Variants in SMC3 observed in about 807,000 individuals in gnomAD.
The protein encoded by SMC3 is structural maintenance of chromosomes protein 3.
A neutral mutation model predicts 171.8 loss-of-function variants in SMC3; 20 were observed. The observed-to-expected ratio is 0.12, with a 90% CI of 0.08 to 0.17. The LOEUF (loss-of-function observed/expected upper bound fraction) is 0.17. SMC3 is among the 10% of genes least tolerant of loss of function. SMC3 has a pLI of 1.00. For synonymous variants in SMC3, 464 were observed against 451.1 expected, an observed-to-expected ratio of 1.03 and a Z score of -0.36; for missense variants, 543 against 1,420.4, an observed-to-expected ratio of 0.38 and a Z score of 9.93.
intron 18 of SMC3, among the ~76,000 whole-genome samples, chr10:110,594,512 C>G (rs1333973183): frequency 6.6e-6 from 1 of 151,820 alleles, no homozygotes; most frequent in Non-Finnish European, 1.5e-5. Context: ...TTGTCGTGTT[C>G]GTTATAGAAG....
chr10:110,576,992 G>A (rs1860960514), intron 4 of SMC3, among the ~76,000 whole-genome samples: 1 of 152,164 alleles, frequency 6.6e-6, no homozygotes, highest in South Asian at 2.1e-4. Flanking sequence ...GAGACTGTAA[G>A]AGAAAAGCCT....
chr10:110,601,488 G>T (rs1262277909), intron 23 of SMC3, 149 bp from the exon 24 acceptor site: 10 of 785,620 alleles, frequency 1.3e-5, no homozygotes, highest in Non-Finnish European at 1.9e-5. Context: ...ATTTTGTACT[G>T]ACTTAACATG....
rs145610953 is a variant in SMC3, at chr10:110,583,920, A to G, written c.1049A>G (p.Lys350Arg). ...AAAGAACTGGCAGAAACAGAACCCA[A>G]ATTCAACAGTGTGAAAGAGAAAGAA... is the stretch of plus-strand genomic sequence containing the variant. ...KQKELAETEP[K>R]FNSVKEKEER... The change falls in exon 12 of 29, where the codon AAA (lysine) becomes AGA (arginine). Residue 350 changes from lysine to arginine, a missense_variant. Around this residue, in one of 8 missense-constraint regions of SMC3, gnomAD observed 146 missense variants for 437.9 expected, o/e 0.33. Coordinates refer to ENST00000361804, the MANE Select transcript of SMC3 (RefSeq NM_005445.4). The G allele has an allele frequency of 3.1e-6, 5 of 1,613,880 alleles. No individual in the cohort carries two copies. Among genetic ancestry groups the G allele is most frequent in the Admixed American group, 1.7e-5 (1 of 59,996 alleles).
At chr10:110,568,785 G>A (rs1233056131) in intron 1 of SMC3, among the ~76,000 whole-genome samples, 153 bp from the exon 2 acceptor site, 1 of 149,024 alleles carries the variant, frequency 6.7e-6, no homozygotes, top group African/African-American at 2.5e-5. Context: ...TTTTTTAGCA[G>A]ATTTTTAATC....
At chr10:110,597,366 A>G (rs951626824) in intron 19 of SMC3, among the ~76,000 whole-genome samples, 2 of 152,122 alleles carry the variant, frequency 1.3e-5, no homozygotes, top group African/African-American at 2.4e-5. Context: ...TAAAACCACC[A>G]TGGTGCTTTG....
At chr10:110,579,703 A>C (rs1256583079) in intron 7 of SMC3, among the ~76,000 whole-genome samples, 1 of 152,180 alleles carries the variant, frequency 6.6e-6, no homozygotes, top group Non-Finnish European at 1.5e-5. Flanking sequence ...GCAGTGGCAC[A>C]TATGTTGTAG....
In SMC3 at chr10:110,598,295, G is replaced by A. The variant is rs530162037; in HGVS notation, c.2268+5G>A. The A allele has an allele frequency of 1.2e-5, 19 of 1,612,622 alleles. No homozygotes were observed. Among genetic ancestry groups the A allele is most frequent in the South Asian group, 7.7e-5 (7 of 91,052 alleles). ...GAGAAAACCTTCATGCCTAAGGTTC[G>A]TAAGTATATCTTTGGTTATAGATCG... On this transcript the variant is annotated splice_donor_5th_base_variant and intron_variant, in intron 20 of 28. Transcript: ENST00000361804.
chr10:110,567,800 G>T lies in SMC3; in HGVS notation c.-17G>T, dbSNP rs770379290. 1 of 1,613,498 alleles carries T rather than the reference G, an allele frequency of 6.2e-7. No individual in the cohort carries two copies. Among genetic ancestry groups the T allele is most frequent in the Non-Finnish European group, 8.5e-7 (1 of 1,179,808 alleles). ...TGCTCCGGGGCAGGTCTCCTTCCAG[G>T]CCAGGGGCCCGGAATCATGTACATA... On this transcript the variant is annotated 5_prime_UTR_variant, in exon 1 of 29. Coordinates refer to ENST00000361804, the MANE Select transcript of SMC3 (RefSeq NM_005445.4).
intron 4 of SMC3, among the ~76,000 whole-genome samples, chr10:110,576,054 G>T (rs1860943681): frequency 6.6e-6 from 1 of 152,032 alleles, no homozygotes; most frequent in Admixed American, 6.6e-5. Flanking sequence ...ACTTACAGCG[G>T]GGTTATGTCC....
chr10:110,603,441 C>T, intron 28 of SMC3, 151 bp downstream of exon 28: 1 of 632,652 alleles, frequency 1.6e-6, no homozygotes, highest in Non-Finnish European at 2.8e-6. Context: ...CTTCAAATAA[C>T]TATGAAGTTT....
At chr10:110,592,980 G>T in intron 17 of SMC3, 93 bp from the exon 18 acceptor site, 1 of 1,081,594 alleles carries the variant, frequency 9.2e-7, no homozygotes, top group Non-Finnish European at 1.4e-6. Context: ...GGTGTTTATG[G>T]TTTATTTGTA....
chr10:110,568,568 C>T (rs960880371), intron 1 of SMC3: 10 of 239,642 alleles, frequency 4.2e-5, no homozygotes, highest in Admixed American at 1.6e-4. Flanking sequence ...AAGCAGCACT[C>T]GGTGGTCTTG....
intron 22 of SMC3, 51 bp from the exon 23 acceptor site, chr10:110,600,971 G>A: frequency 1.5e-6 from 2 of 1,302,436 alleles, no homozygotes; most frequent in Middle Eastern, 1.8e-4. Flanking sequence ...CATAGAAAAT[G>A]TTGGCAGTCA....
chr10:110,602,573 G>C lies in SMC3; in HGVS notation c.3205G>C (p.Asp1069His). ...AGATGTGGAGGGCAGTCAGTCTCAA[G>C]ATGAAGGAGAAGGGAGTGGTGAGAG... Reference protein sequence around the residue: ...KGDVEGSQSQDEGEGSGESER... With the variant: ...KGDVEGSQSQHEGEGSGESER... The change falls in exon 26 of 29, where the codon GAT becomes CAT. Residue 1069 changes from aspartate to histidine, a missense_variant. By Grantham distance (81) the Asp-to-His change is moderately conservative. This residue lies in a region of SMC3 where 34 missense variants were observed against 59.1 expected (regional missense o/e 0.58). Transcript: ENST00000361804. The C allele has an allele frequency of 6.2e-7, 1 of 1,613,818 alleles. No homozygotes were observed. The highest frequency in any genetic ancestry group is 8.5e-7 in the Non-Finnish European group (1 of 1,179,730).
At chr10:110,590,723 T>G in intron 16 of SMC3, 151 bp downstream of exon 16, 1 of 739,638 alleles carries the variant, frequency 1.4e-6, no homozygotes, top group South Asian at 1.9e-5. Flanking sequence ...TGCTAAGTAT[T>G]TGTTCCTAAT....
intron 18 of SMC3, among the ~76,000 whole-genome samples, chr10:110,595,565 A>T (rs954495117): frequency 6.6e-6 from 1 of 152,168 alleles, no homozygotes; most frequent in Non-Finnish European, 1.5e-5. Flanking sequence ...GGTTCTCCCA[A>T]CAACTTCAGT....
At chr10:110,567,954 G>A (rs1860799768) in intron 1 of SMC3, 123 bp downstream of exon 1, 9 of 1,211,860 alleles carry the variant, frequency 7.4e-6, no homozygotes, top group Non-Finnish European at 1.1e-5. Context: ...GGGCTGGGCG[G>A]GGACTGTGGG....
rs1861303070 is a variant in SMC3, at chr10:110,596,537, C to A, written c.2103C>A (p.Arg701=). The A allele has an allele frequency of 1.2e-6, 2 of 1,613,834 alleles. No homozygotes were observed. Among genetic ancestry groups the A allele is most frequent in the East Asian group, 4.5e-5 (2 of 44,856 alleles). ...AAGCAAAGCTCAATGAAAACCTGCG[C>A]AGAAATATTGAAAATATCTTTTTGT... ...ELEAKLNENL[R]RNIERINNEI... The change falls in exon 19 of 29, where the codon CGC becomes CGA. Residue 701 remains arginine (R), a synonymous_variant. Coordinates refer to ENST00000361804, the MANE Select transcript of SMC3 (RefSeq NM_005445.4).
Position 110,601,622 on chromosome 10 carries a change from T to G in SMC3, c.2645-15T>G, listed in dbSNP as rs1239427048. 1 of 1,609,244 alleles carries G rather than the reference T, an allele frequency of 6.2e-7. No individual in the cohort carries two copies. ...TATAGGTATTATAGCCTAATTTTGT[T>G]TCCCCCCATCTTAGATTTGGACAAT... On this transcript the variant is annotated splice_polypyrimidine_tract_variant and intron_variant, in intron 23 of 28. Transcript: ENST00000361804.
Sources: allele counts gnomAD v4.1 joint callset (sites outside exome capture counted in the v4.1 genomes callset), GRCh38; gene constraint gnomAD v4.1.1; regional missense constraint gnomAD v4.1.1; transcripts MANE v1.5; gene names NCBI Gene and HGNC (gene_info 2026-07-23, HGNC 2026-07-21).